EFNA5: variants seen among roughly 807,000 people sequenced by gnomAD.
EFNA5 encodes the protein ephrin-A5.
Under a neutral mutation model 22.9 loss-of-function variants are expected in EFNA5, and 5 were observed. That is an observed-to-expected ratio of 0.22 (90% CI 0.11 to 0.46). The LOEUF (loss-of-function observed/expected upper bound fraction) is 0.46, where lower values mean the gene tolerates loss of function less well. Ranked by LOEUF, EFNA5 falls within the 20% of genes least tolerant of loss-of-function variation. EFNA5 has a pLI of 0.99. For missense variants in EFNA5, 237 were observed against 293.3 expected (o/e 0.81, Z 1.40); for synonymous variants, 113 against 112.2 (o/e 1.01, Z -0.04).
intron 1 of EFNA5, among the ~76,000 whole-genome samples, chr5:107,486,269 C>A (rs1201718306): frequency 6.6e-6 from 1 of 152,202 alleles, no homozygotes; most frequent in African/African-American, 2.4e-5. Flanking sequence ...AAATTCAACC[C>A]TATGTATATT....
At chr5:107,465,484 G>A (rs991477440) in intron 1 of EFNA5, among the ~76,000 whole-genome samples, 1 of 152,152 alleles carries the variant, frequency 6.6e-6, no homozygotes, top group Non-Finnish European at 1.5e-5. Context: ...AAGACGCCAC[G>A]TAAATGTGGC....
chr5:107,468,841 T>A (rs1287492019), intron 1 of EFNA5, among the ~76,000 whole-genome samples: 1 of 152,152 alleles, frequency 6.6e-6, no homozygotes, highest in African/African-American at 2.4e-5. Flanking sequence ...ATGTAAGCAT[T>A]AAGGAAATAC....
intron 1 of EFNA5, among the ~76,000 whole-genome samples, chr5:107,563,405 CTTTT>C (rs1369784246): frequency 1.3e-5 from 2 of 152,058 alleles, no homozygotes; most frequent in African/African-American, 2.4e-5. Flanking sequence ...CACCTACTTT[CTTTT>C]TATTTTATTT....
chr5:107,537,209 C>T (rs1472449587), intron 1 of EFNA5, among the ~76,000 whole-genome samples: 1 of 151,802 alleles, frequency 6.6e-6, no homozygotes, highest in Non-Finnish European at 1.5e-5. Flanking sequence ...AAACATTTGT[C>T]TAGACTGGGT....
intron 1 of EFNA5, among the ~76,000 whole-genome samples, chr5:107,546,182 G>A (rs1748149302): frequency 6.6e-6 from 1 of 152,134 alleles, no homozygotes; most frequent in Non-Finnish European, 1.5e-5. Context: ...CTGAAGTATA[G>A]AAAAGAGCTA....
At chr5:107,634,187 C>A (rs539325209) in intron 1 of EFNA5, among the ~76,000 whole-genome samples, 1 of 152,206 alleles carries the variant, frequency 6.6e-6, no homozygotes, top group South Asian at 2.1e-4. Flanking sequence ...TGCAGAAATT[C>A]TTCAAGTCTC....
chr5:107,517,036 C>T (rs1747494780), intron 1 of EFNA5, among the ~76,000 whole-genome samples: 1 of 151,848 alleles, frequency 6.6e-6, no homozygotes, highest in African/African-American at 2.4e-5. Flanking sequence ...CTAGAATACA[C>T]ACGTCATAAA....
chr5:107,598,629 T>C (rs1046365243), intron 1 of EFNA5, among the ~76,000 whole-genome samples: 1 of 152,120 alleles, frequency 6.6e-6, no homozygotes, highest in Non-Finnish European at 1.5e-5. Context: ...CATAAATACA[T>C]ACAGATAAAC....
intron 2 of EFNA5, among the ~76,000 whole-genome samples, chr5:107,422,346 C>A (rs1748691002): frequency 6.6e-6 from 1 of 152,204 alleles, no homozygotes; most frequent in African/African-American, 2.4e-5. Context: ...AAAGCAGGAA[C>A]AGCTGTGAAC....
intron 2 of EFNA5, among the ~76,000 whole-genome samples, chr5:107,418,532 A>G (rs1748567208): frequency 6.6e-6 from 1 of 152,218 alleles, no homozygotes; most frequent in African/African-American, 2.4e-5. Flanking sequence ...AAAAGGTGAC[A>G]TAATTCCTCC....
At chr5:107,661,650 C>T (rs1293352173) in intron 1 of EFNA5, among the ~76,000 whole-genome samples, 1 of 152,176 alleles carries the variant, frequency 6.6e-6, no homozygotes, top group African/African-American at 2.4e-5. Flanking sequence ...AAGATAATTT[C>T]CCATACTTAG....
intron 1 of EFNA5, among the ~76,000 whole-genome samples, chr5:107,587,729 G>A (rs1206839980): frequency 6.6e-6 from 1 of 152,196 alleles, no homozygotes; most frequent in Non-Finnish European, 1.5e-5. Context: ...ATGTTAGCCA[G>A]GATGGTCTCG....
intron 2 of EFNA5, among the ~76,000 whole-genome samples, chr5:107,396,048 C>A (rs990776335): frequency 6.6e-6 from 1 of 152,142 alleles, no homozygotes; most frequent in African/African-American, 2.4e-5. Flanking sequence ...GAAACAATGT[C>A]ATTATCAGAC....
intron 1 of EFNA5, among the ~76,000 whole-genome samples, chr5:107,561,714 C>G (rs1415947559): frequency 6.6e-6 from 1 of 152,092 alleles, no homozygotes; most frequent in African/African-American, 2.4e-5. Context: ...TATGAATAAC[C>G]AGGTTTCCCT....
intron 1 of EFNA5, among the ~76,000 whole-genome samples, chr5:107,471,999 A>G (rs553473520): frequency 1.5e-4 from 23 of 152,372 alleles, no homozygotes; most frequent in African/African-American, 5.3e-4. Context: ...CAAAGAGTGC[A>G]AATAGCCTTA....
At chr5:107,576,665 G>T (rs1302366565) in intron 1 of EFNA5, among the ~76,000 whole-genome samples, 1 of 152,232 alleles carries the variant, frequency 6.6e-6, no homozygotes, top group East Asian at 1.9e-4. Context: ...GCAGACTCAT[G>T]TGAGAGGAAA....
intron 2 of EFNA5, among the ~76,000 whole-genome samples, chr5:107,409,405 C>T (rs1338990472): frequency 6.6e-6 from 1 of 152,152 alleles, no homozygotes; most frequent in Non-Finnish European, 1.5e-5. Context: ...ACAATGCTCT[C>T]GTGTAACTAT....
At chr5:107,611,727 G>T (rs1749822165) in intron 1 of EFNA5, among the ~76,000 whole-genome samples, 1 of 152,150 alleles carries the variant, frequency 6.6e-6, no homozygotes, top group Admixed American at 6.6e-5. Context: ...CTTTCAACTG[G>T]TTCCAAAGAT....
intron 1 of EFNA5, among the ~76,000 whole-genome samples, chr5:107,428,550 G>T (rs772367035): frequency 2.0e-5 from 3 of 152,174 alleles, no homozygotes; most frequent in Non-Finnish European, 2.9e-5. Context: ...TGTGAAACAG[G>T]AACTGTTATG....
Sources: allele counts gnomAD v4.1 joint callset (sites outside exome capture counted in the v4.1 genomes callset), GRCh38; gene constraint gnomAD v4.1.1; transcripts MANE v1.5; gene names NCBI Gene and HGNC (gene_info 2026-07-23, HGNC 2026-07-21).